The following LAMA2 variants were observed in gnomAD, a reference collection of about 807,000 sequenced individuals.
The protein encoded by LAMA2 is laminin subunit alpha-2.
LAMA2 carries 269 observed loss-of-function variants against 364.8 expected under a neutral mutation model. That is an observed-to-expected ratio of 0.74 (90% confidence interval 0.67 to 0.82). The LOEUF is 0.82. Among genes scored for constraint, LAMA2 ranks in the 40% least tolerant of loss-of-function variants. The pLI, the probability that LAMA2 is intolerant of heterozygous loss-of-function variation, is 0.00. For synonymous variants in LAMA2, 1,379 were observed against 1,370.6 expected (o/e 1.01, Z -0.14); for missense variants, 3,807 against 3,873.2 (o/e 0.98, Z 0.45).
intron 37 of LAMA2, 130 bp from the exon 38 acceptor site, chr6:129,401,094 C>G: frequency 1.3e-6 from 1 of 759,090 alleles, no homozygotes; most frequent in Non-Finnish European, 2.4e-6. Context: ...TTTTTCTCAT[C>G]TAGCCACATT....
At position 129,067,868 on chromosome 6, in the gene LAMA2, C is replaced by T. The variant is rs1773038717; in HGVS notation, c.396+7972C>T. Among the ~76,000 whole-genome samples the T allele has an allele frequency of 3.3e-5, 5 of 152,134 alleles. No homozygotes were observed. The South Asian group carries it at 1.0e-3, about 32-fold the overall frequency. On this transcript the variant is annotated intron_variant, in intron 3 of 64. Transcript: ENST00000421865. ...CTTTTGGTTTTTATTCAAGTGTTACCTTCTCAACAAGGGCCTCCTTGACAA... is the reference window on the plus strand; with the variant it reads ...CTTTTGGTTTTTATTCAAGTGTTACTTTCTCAACAAGGGCCTCCTTGACAA...
intron 32 of LAMA2, among the ~76,000 whole-genome samples, chr6:129,362,353 T>C (rs1331746132): frequency 6.6e-6 from 1 of 152,128 alleles, no homozygotes; most frequent in African/African-American, 2.4e-5. Context: ...ATCTGTGAGG[T>C]TTTCTATCTT....
intron 34 of LAMA2, among the ~76,000 whole-genome samples, chr6:129,373,994 G>A (rs1278838491): frequency 6.6e-6 from 1 of 152,104 alleles, no homozygotes; most frequent in Non-Finnish European, 1.5e-5. Flanking sequence ...TAACATAAAA[G>A]GCGCAGAAAT....
chr6:129,439,710 TAAC>T (rs1158225214), intron 42 of LAMA2, among the ~76,000 whole-genome samples: 1 of 151,656 alleles, frequency 6.6e-6, no homozygotes, highest in South Asian at 2.1e-4. Flanking sequence ...CATGATATAA[TAAC>T]AACAAAGATT....
intron 12 of LAMA2, among the ~76,000 whole-genome samples, chr6:129,200,586 C>A (rs1455253354): frequency 6.6e-6 from 1 of 151,358 alleles, no homozygotes; most frequent in East Asian, 1.9e-4. Context: ...AGAAGTGGGG[C>A]TTTTTGGAAA....
chr6:129,491,973 T>TA lies in LAMA2; in HGVS notation c.7976dup (p.Leu2660AlafsTer9), dbSNP rs1330890210. ...TGACAGTTGAACAGCCTATCGAAGTTAAAAAGCTTTTCGTTGGGGGTGCTC... is the reference window on the plus strand; with the variant it reads ...TGACAGTTGAACAGCCTATCGAAGTTAAAAAAGCTTTTCGTTGGGGGTGCTC... On this transcript the variant is annotated frameshift_variant, in exon 57 of 65. Coordinates refer to ENST00000421865, the MANE Select transcript of LAMA2 (RefSeq NM_000426.4). LOFTEE classifies it high-confidence loss of function. 2 of 1,613,926 alleles carry TA rather than the reference T, an allele frequency of 1.2e-6. No individual in the cohort carries two copies. The highest frequency in any genetic ancestry group is 1.7e-6 in the Non-Finnish European group (2 of 1,179,912).
At position 129,280,116 on chromosome 6, in the gene LAMA2, C is replaced by A. The variant is rs757340159; in HGVS notation, c.2506C>A (p.Pro836Thr). 1.9e-6 allele frequency: 3 copies of A among 1,612,860 alleles called. No homozygotes were observed. The Admixed American group carries it at 5.0e-5, about 27-fold the overall frequency. The change falls in exon 18 of 65, where the codon CCT becomes ACT. Residue 836 changes from proline (P) to threonine (T), a missense_variant. Around this residue, in one of 3 missense-constraint regions of LAMA2, gnomAD observed 3,333 missense variants for 3,345.7 expected, o/e 1.00. Coordinates refer to ENST00000421865, the MANE Select transcript of LAMA2 (RefSeq NM_000426.4). ...TCTTGGATTGATCTGTGATGGATGC[C>A]CTGTCGGGTACACAGGACCACGCTG... ...RSLGLICDGC[P>T]VGYTGPRCER...
At chr6:129,009,868 T>A (rs1784659471) in intron 1 of LAMA2, among the ~76,000 whole-genome samples, 1 of 152,178 alleles carries the variant, frequency 6.6e-6, no homozygotes, top group South Asian at 2.1e-4. Flanking sequence ...GAGTATGCTT[T>A]CTTGATTATA....
chr6:129,061,041 A>C (rs886978407), intron 3 of LAMA2, among the ~76,000 whole-genome samples: 6 of 152,232 alleles, frequency 3.9e-5, no homozygotes, highest in African/African-American at 1.4e-4. Context: ...GAAGTCTCAG[A>C]GCACTATCAG....
At chr6:129,426,413 G>T (rs1013355682) in intron 40 of LAMA2, among the ~76,000 whole-genome samples, 5 of 151,890 alleles carry the variant, frequency 3.3e-5, no homozygotes. Context: ...GTAACCTGAG[G>T]CTTACTTCGT....
intron 1 of LAMA2, among the ~76,000 whole-genome samples, chr6:129,023,692 T>G (rs1436153384): frequency 6.6e-6 from 1 of 152,192 alleles, no homozygotes; most frequent in Non-Finnish European, 1.5e-5. Flanking sequence ...CTTTCCGCCA[T>G]GTTTCTATCT....
intron 36 of LAMA2, among the ~76,000 whole-genome samples, chr6:129,392,120 A>G (rs1779356789): frequency 6.6e-6 from 1 of 152,246 alleles, no homozygotes; most frequent in African/African-American, 2.4e-5. Flanking sequence ...TGCTGAAAAG[A>G]AAAGTCATCA....
chr6:129,408,709 T>G (rs945829799), intron 40 of LAMA2, among the ~76,000 whole-genome samples: 4 of 152,024 alleles, frequency 2.6e-5, no homozygotes, highest in African/African-American at 9.7e-5. Context: ...GCTGGCAAAT[T>G]GGGCACTCAG....
At chr6:129,077,834 TCA>T (rs1337597622) in intron 3 of LAMA2, among the ~76,000 whole-genome samples, 1 of 152,162 alleles carries the variant, frequency 6.6e-6, no homozygotes, top group Non-Finnish European at 1.5e-5. Flanking sequence ...ACACTATTTC[TCA>T]CTTTCTTTAA....
chr6:129,475,714 G>A (rs1006690328), intron 53 of LAMA2, among the ~76,000 whole-genome samples: 1 of 152,054 alleles, frequency 6.6e-6, no homozygotes, highest in African/African-American at 2.4e-5. Flanking sequence ...TCAAAAGGCA[G>A]CTGGTCAATT....
At chr6:129,026,626 G>A (rs1042271736) in intron 1 of LAMA2, among the ~76,000 whole-genome samples, 12 of 152,148 alleles carry the variant, frequency 7.9e-5, no homozygotes, top group African/African-American at 2.9e-4. Context: ...TATATTTCAT[G>A]TGAGTCAGGT....
chr6:129,230,639 A>C (rs567481008), intron 12 of LAMA2, among the ~76,000 whole-genome samples: 1 of 152,234 alleles, frequency 6.6e-6, no homozygotes, highest in South Asian at 2.1e-4. Context: ...AAGAACATGG[A>C]CCAGACAGCA....
At chr6:128,919,842 G>A (rs773571354) in intron 1 of LAMA2, among the ~76,000 whole-genome samples, 1 of 152,126 alleles carries the variant, frequency 6.6e-6, no homozygotes, top group Non-Finnish European at 1.5e-5. Flanking sequence ...GACAGCCCTG[G>A]TTTACAACTG....
chr6:129,276,613 C>T (rs145370943), intron 17 of LAMA2, among the ~76,000 whole-genome samples: 1 of 152,116 alleles, frequency 6.6e-6, no homozygotes, highest in Non-Finnish European at 1.5e-5. Context: ...TTCTATTGAG[C>T]AATTGTTTTG....
Sources: gnomAD v4.1 joint callset for allele counts (sites outside exome capture counted in the v4.1 genomes callset) on GRCh38, gnomAD v4.1.1 for gene constraint, gnomAD v4.1.1 regional missense constraint, MANE v1.5 for transcripts, NCBI Gene and HGNC (gene_info 2026-07-23, HGNC 2026-07-21) for gene names.